Variants in FIBCD1 observed in about 807,000 individuals in gnomAD.
FIBCD1 encodes the protein fibrinogen C domain-containing protein 1.
Under a neutral mutation model 45.1 loss-of-function variants are expected in FIBCD1, and 47 were observed. The ratio of observed to expected loss-of-function variants is 1.04; its 90% CI spans 0.82 to 1.33. The LOEUF is 1.33. Among genes scored for constraint, FIBCD1 ranks in the 40% most tolerant of loss-of-function variants. The pLI is 0.00. For missense variants in FIBCD1, 653 were observed against 682.2 expected, an observed-to-expected ratio of 0.96 and a Z score of 0.48; for synonymous variants, 313 against 308.1, an observed-to-expected ratio of 1.02 and a Z score of -0.17.
At position 130,905,335 on chromosome 9, in the gene FIBCD1, G is replaced by A. The variant is rs376241321; in HGVS notation, c.1025C>T (p.Thr342Met). ...GAAGCTCCCGTAGCGGGCATAGGCC[G>A]TGCCATTCTCAAAGTCCTCCAGGTC... ...HVDLEDFENGTAYARYGSFGV... is the reference protein window; with the variant it reads ...HVDLEDFENGMAYARYGSFGV... Residue 342 changes from threonine (T) to methionine (M), a missense_variant, in exon 6 of 7, where the codon ACG becomes ATG. Thr to Met is a moderately conservative substitution (Grantham distance 81). Coordinates refer to ENST00000372338, the MANE Select transcript of FIBCD1 (RefSeq NM_032843.5). 1.0e-4 allele frequency: 161 copies of A among 1,614,012 alleles called. No homozygotes were observed. Among genetic ancestry groups the A allele is most frequent in the East Asian group, 3.8e-4 (17 of 44,878 alleles).
In FIBCD1 at chr9:130,908,911, G is replaced by A. The variant is rs1831985755; in HGVS notation, c.946+2881C>T. On this transcript the variant is annotated intron_variant, in intron 5 of 6. Coordinates refer to ENST00000372338, the MANE Select transcript of FIBCD1 (RefSeq NM_032843.5). ...CAGGGGCCTCCATGCACACAGAGGG[G>A]CGGCCCCGCCTCACCACCCCAACCC... Among the ~76,000 whole-genome samples, 3 of 152,086 alleles carry A rather than the reference G, an allele frequency of 2.0e-5. No individual in the cohort carries two copies. In the South Asian group the frequency reaches 6.2e-4, roughly 31 times the overall value.
At chr9:130,911,156 C>G (rs1045173640) in intron 5 of FIBCD1, among the ~76,000 whole-genome samples, 1 of 152,222 alleles carries the variant, frequency 6.6e-6, no homozygotes, top group Non-Finnish European at 1.5e-5. Flanking sequence ...TGAGCTGCAA[C>G]ACTCACCGTG....
Position 130,938,659 on chromosome 9 carries a change from C to T in FIBCD1, c.-52G>A, listed in dbSNP as rs1832561331. ...GGGCGAGGCGCGCCGCTGCGGAGCG[C>T]AAAGGAGACGGGGTGGGCGCGGGCG... On this transcript the variant is annotated 5_prime_UTR_variant, in exon 1 of 7. Transcript: ENST00000372338. 1 of 1,288,922 alleles carries T rather than the reference C, an allele frequency of 7.8e-7. No homozygotes were observed. Among genetic ancestry groups the T allele is most frequent in the Non-Finnish European group, 1.0e-6 (1 of 1,004,050 alleles). The allele number at this position is 1,288,922 out of a possible 1,614,324, so 79.8% of individuals were successfully genotyped here. A position where few individuals can be genotyped will look rare whatever the true frequency, so the allele number is the denominator to read the frequency against.
chr9:130,925,382 C>A (rs1213549561), intron 2 of FIBCD1, among the ~76,000 whole-genome samples: 1 of 152,116 alleles, frequency 6.6e-6, no homozygotes, highest in Non-Finnish European at 1.5e-5. Flanking sequence ...GTGTAGGAGA[C>A]CAGGGTCAGG....
chr9:130,918,672 C>T lies in FIBCD1; in HGVS notation c.849+5072G>A, dbSNP rs1042910954. On this transcript the variant is annotated intron_variant, in intron 4 of 6. Coordinates refer to ENST00000372338, the MANE Select transcript of FIBCD1 (RefSeq NM_032843.5). ...CAGCCCTTCAAAGGCAGCCCTGGGG[C>T]GGCTCTGCGGCATTCCCAGGAGTCT... Among the ~76,000 whole-genome samples the T allele has an allele frequency of 3.3e-5, 5 of 152,296 alleles. No homozygotes were observed. In the East Asian group the frequency reaches 5.8e-4, roughly 18 times the overall value.
chr9:130,928,491 A>C (rs1832392391), intron 2 of FIBCD1, among the ~76,000 whole-genome samples: 2 of 152,286 alleles, frequency 1.3e-5, no homozygotes, highest in South Asian at 4.2e-4. Flanking sequence ...CGGTCTAAAC[A>C]TCCCTCTACC....
At chr9:130,930,239 T>TGCAGTGAGAGGGAC (rs1832424832) in intron 1 of FIBCD1, among the ~76,000 whole-genome samples, 193 bp from the exon 2 acceptor site, 1 of 151,836 alleles carries the variant, frequency 6.6e-6, no homozygotes, top group South Asian at 2.1e-4. Context: ...CAGCCACAGA[T>TGCAGTGAGAGGGAC]GCAGTGAGAG....
At position 130,911,750 on chromosome 9, in the gene FIBCD1, G is replaced by A. The variant is rs780755370; in HGVS notation, c.946+42C>T. On this transcript the variant is annotated intron_variant, in intron 5 of 6. Coordinates refer to ENST00000372338, the MANE Select transcript of FIBCD1 (RefSeq NM_032843.5). Reference sequence around the variant, plus strand: ...ACCCAACTGTGTCCGGAAGGCAGGGGGAGGAGGCCCACCTGGGCCGGATGG... The same window carrying A: ...ACCCAACTGTGTCCGGAAGGCAGGGAGAGGAGGCCCACCTGGGCCGGATGG... 2.6e-6 allele frequency: 4 copies of A among 1,545,490 alleles called. No individual in the cohort carries two copies. In the Admixed American group the frequency reaches 5.6e-5, roughly 22 times the overall value.
At chr9:130,940,161 G>T (rs948675271), upstream of FIBCD1, among the ~76,000 whole-genome samples, 5 of 152,354 alleles carry the variant, frequency 3.3e-5, no homozygotes, top group South Asian at 1.0e-3. Context: ...TACGCGTCCG[G>T]CACTGGCGGG....
In FIBCD1 at chr9:130,938,735, C is replaced by G. The variant is rs2133132623; in HGVS notation, c.-128G>C. ...CGGGTCCCCGCCTCTGTGCCCCGCG[C>G]CGGGGCGGCCCGGGAGCGGGCGGGC... On this transcript the variant is annotated 5_prime_UTR_variant, in exon 1 of 7. Transcript: ENST00000372338. 3.0e-6 allele frequency: 1 copy of G among 332,824 alleles called. No individual in the cohort carries two copies. The highest frequency in any genetic ancestry group is 4.4e-6 in the Non-Finnish European group (1 of 224,902). The allele number at this position is 332,824 out of a possible 1,614,324, so 20.6% of individuals were successfully genotyped here.
rs146793484 is a variant in FIBCD1 at position 130,904,341 on chromosome 9, C to T, written c.1127-18G>A. 4.5e-3 allele frequency: 7,221 copies of T among 1,588,446 alleles called. 16 individuals carry two copies. Among genetic ancestry groups the T allele is most frequent in the Non-Finnish European group, 5.2e-3 (6,072 of 1,164,798 alleles). ...GGAGTCGCCTGCGCAGGGGTGCACA[C>T]AGGTGTGGGCACGGGGGGCACGGGT... On this transcript the variant is annotated intron_variant, in intron 6 of 6. Transcript: ENST00000372338.
intron 2 of FIBCD1, among the ~76,000 whole-genome samples, chr9:130,927,691 C>G (rs2087838823): frequency 6.6e-6 from 1 of 152,182 alleles, no homozygotes; most frequent in African/African-American, 2.4e-5. Context: ...TTTTTTGAGA[C>G]AGAGTCTCGC....
At chr9:130,911,514 G>A (rs370803287) in intron 5 of FIBCD1, among the ~76,000 whole-genome samples, 4 of 152,250 alleles carry the variant, frequency 2.6e-5, no homozygotes, top group African/African-American at 4.8e-5. Flanking sequence ...CAGGTCCCAG[G>A]GTGACCCCGG....
At chr9:130,933,745 G>A (rs1832477934) in intron 1 of FIBCD1, 1 of 151,280 alleles carries the variant, frequency 6.6e-6, no homozygotes, top group African/African-American at 2.4e-5. Flanking sequence ...GGGCGGCTCA[G>A]GAGGAAGGGA....
chr9:130,935,896 C>T (rs939265547), intron 1 of FIBCD1, among the ~76,000 whole-genome samples: 1 of 152,142 alleles, frequency 6.6e-6, no homozygotes, highest in African/African-American at 2.4e-5. Context: ...GCTTGGAGTG[C>T]GGCGTCAGCG....
chr9:130,904,234 G>A lies in FIBCD1; in HGVS notation c.1216C>T (p.Arg406Cys), dbSNP rs778678187. The change falls in exon 7 of 7, where the codon CGC becomes TGC. Residue 406 changes from arginine (R) to cysteine (C), a missense_variant. By Grantham distance (180) the Arg-to-Cys change is radical. Coordinates refer to ENST00000372338, the MANE Select transcript of FIBCD1 (RefSeq NM_032843.5). Reference protein sequence around the residue: ...HSENNCAAFYRGAWWYRNCHT... With the variant: ...HSENNCAAFYCGAWWYRNCHT... Reference sequence around the variant, plus strand: ...CAGTTGCGGTACCACCAGGCACCGCGGTAGAAGGCGGCACAGTTGTTCTCT... The same window carrying A: ...CAGTTGCGGTACCACCAGGCACCGCAGTAGAAGGCGGCACAGTTGTTCTCT... 118 of 1,613,660 alleles carry A rather than the reference G, an allele frequency of 7.3e-5. No individual in the cohort carries two copies. Among genetic ancestry groups the A allele is most frequent in the Non-Finnish European group, 9.2e-5 (108 of 1,180,016 alleles).
At chr9:130,914,301 G>A (rs2133084169) in intron 4 of FIBCD1, among the ~76,000 whole-genome samples, 1 of 152,316 alleles carries the variant, frequency 6.6e-6, no homozygotes, top group South Asian at 2.1e-4. Flanking sequence ...GGCACCAGCT[G>A]CAAAAGCCAA....
At chr9:130,924,200 C>T (rs1207246184) in intron 3 of FIBCD1, 37 bp downstream of exon 3, 17 of 1,525,902 alleles carry the variant, frequency 1.1e-5, no homozygotes, top group South Asian at 3.8e-5. Flanking sequence ...AGCTGGGACC[C>T]GAGGCACCGG....
In FIBCD1 at chr9:130,923,825, G is replaced by A. The variant is rs1482462527; in HGVS notation, c.768C>T (p.Gly256=). ...AGTGGGTGGGAAAGACAGAGTAGACGCCATCGTCCTGCTGTCCGCTTAGGA... is the reference window on the plus strand; with the variant it reads ...AGTGGGTGGGAAAGACAGAGTAGACACCATCGTCCTGCTGTCCGCTTAGGA... ...DVLLSGQQDD[G]VYSVFPTHYP... is the part of the protein sequence containing the mutation. Residue 256 remains glycine, a synonymous_variant, in exon 4 of 7, where the codon GGC becomes GGT. Transcript: ENST00000372338. 3.7e-6 allele frequency: 6 copies of A among 1,612,922 alleles called. No homozygotes were observed. Among genetic ancestry groups the A allele is most frequent in the South Asian group, 3.3e-5 (3 of 91,068 alleles).
Sources: allele counts gnomAD v4.1 joint callset (sites outside exome capture counted in the v4.1 genomes callset), GRCh38; gene constraint gnomAD v4.1.1; transcripts MANE v1.5; gene names NCBI Gene and HGNC (gene_info 2026-07-23, HGNC 2026-07-21).